The following DCC variants were observed in gnomAD, a reference collection of about 807,000 sequenced individuals.
DCC encodes the protein netrin receptor DCC.
In DCC, 58 loss-of-function variants were observed where a neutral mutation model predicts 172.5. The observed-to-expected ratio is 0.34, with a 90% CI of 0.27 to 0.42. DCC has a LOEUF of 0.42. Among genes scored for constraint, DCC ranks in the 10% least tolerant of loss-of-function variants. DCC has a pLI of 1.00. For synonymous variants in DCC, 709 were observed against 644.5 expected (o/e 1.10, Z -1.52); for missense variants, 1,740 against 1,791.0 (o/e 0.97, Z 0.51).
At chr18:52,805,993 A>G (rs892320413) in intron 2 of DCC, among the ~76,000 whole-genome samples, 6 of 152,252 alleles carry the variant, frequency 3.9e-5, no homozygotes, top group African/African-American at 1.2e-4. Flanking sequence ...TGAAGATATT[A>G]CCATGCTTGA....
chr18:52,970,225 ATAAT>A (rs2041008358), intron 5 of DCC, among the ~76,000 whole-genome samples: 1 of 152,228 alleles, frequency 6.6e-6, no homozygotes, highest in Non-Finnish European at 1.5e-5. Context: ...AATCTTCTGA[ATAAT>A]TAATCACTAT....
intron 27 of DCC, among the ~76,000 whole-genome samples, chr18:53,517,207 C>T (rs1193534078): frequency 6.8e-6 from 1 of 146,032 alleles, no homozygotes; most frequent in Non-Finnish European, 1.5e-5. Context: ...AACAAAAAAC[C>T]AAACACCGCA....
At chr18:52,649,099 C>A (rs889498044) in intron 1 of DCC, among the ~76,000 whole-genome samples, 2 of 152,036 alleles carry the variant, frequency 1.3e-5, no homozygotes, top group African/African-American at 2.4e-5. Flanking sequence ...TATGGCCGGG[C>A]GCGGTGGCTC....
chr18:52,555,007 A>T (rs1411486369), intron 1 of DCC, among the ~76,000 whole-genome samples: 1 of 151,878 alleles, frequency 6.6e-6, no homozygotes, highest in Admixed American at 6.6e-5. Context: ...ACTTCTTTTG[A>T]GTTCAAAAGA....
chr18:52,800,990 G>T (rs1207654862), intron 2 of DCC, among the ~76,000 whole-genome samples: 1 of 152,100 alleles, frequency 6.6e-6, no homozygotes, highest in South Asian at 2.1e-4. Flanking sequence ...CCTTTCTTCA[G>T]GTAGTCTCAT....
chr18:52,461,666 T>C (rs887823698), intron 1 of DCC, among the ~76,000 whole-genome samples: 12 of 152,228 alleles, frequency 7.9e-5, no homozygotes, highest in African/African-American at 2.4e-5. Flanking sequence ...GGGACCACTG[T>C]TGCGTACATT....
At chr18:53,282,969 A>G (rs932756801) in intron 12 of DCC, among the ~76,000 whole-genome samples, 6 of 152,160 alleles carry the variant, frequency 3.9e-5, no homozygotes, top group African/African-American at 1.2e-4. Flanking sequence ...AGGAATATTC[A>G]CTGACTGTAT....
intron 14 of DCC, among the ~76,000 whole-genome samples, chr18:53,327,928 C>T (rs937455372): frequency 6.6e-6 from 1 of 152,090 alleles, no homozygotes; most frequent in Admixed American, 6.6e-5. Flanking sequence ...GACAGATAGG[C>T]TTGGGGAATT....
intron 1 of DCC, among the ~76,000 whole-genome samples, chr18:52,450,193 C>A (rs959549141): frequency 1.3e-5 from 2 of 152,130 alleles, no homozygotes; most frequent in Admixed American, 1.3e-4. Flanking sequence ...ACAGCCACTT[C>A]ATTTCATTAT....
rs564159745 is a variant in DCC, at chr18:52,536,202, G to A, written c.91+195324G>A. Reference sequence around the variant, plus strand: ...AGGAAATGGAACCATGTGGGTATATGTCGGAGCCAGATTGTAAAAGGTCTC... The same window carrying A: ...AGGAAATGGAACCATGTGGGTATATATCGGAGCCAGATTGTAAAAGGTCTC... On this transcript the variant is annotated intron_variant, in intron 1 of 28. Coordinates refer to ENST00000442544, the MANE Select transcript of DCC (RefSeq NM_005215.4). Among the ~76,000 whole-genome samples the A allele has an allele frequency of 6.9e-4, 105 of 152,246 alleles. 3 individuals carry two copies. The South Asian group carries it at 0.021, about 30-fold the overall frequency.
chr18:53,417,767 CT>C (rs1188192289), intron 21 of DCC, among the ~76,000 whole-genome samples: 1 of 151,948 alleles, frequency 6.6e-6, no homozygotes, highest in Admixed American at 6.6e-5. Context: ...CAATAAATGG[CT>C]TTCCACTTCT....
chr18:53,073,700 C>G (rs973747688), intron 7 of DCC, among the ~76,000 whole-genome samples: 2 of 151,832 alleles, frequency 1.3e-5, no homozygotes, highest in African/African-American at 4.8e-5. Context: ...GAAAAGGTTA[C>G]TGATTACAAA....
At chr18:53,480,931 T>A (rs370076425) in intron 25 of DCC, 2 of 152,206 alleles carry the variant, frequency 1.3e-5, no homozygotes, top group Non-Finnish European at 2.9e-5. Flanking sequence ...TCAAGTTGTT[T>A]CATGAGGTTT....
At chr18:53,096,761 G>A (rs2043093479) in intron 7 of DCC, among the ~76,000 whole-genome samples, 1 of 152,008 alleles carries the variant, frequency 6.6e-6, no homozygotes, top group African/African-American at 2.4e-5. Context: ...GAGAGTCTAA[G>A]CAATTGTTTA....
chr18:53,503,970 T>TTGTACTGCGAAA (rs1277450871), intron 27 of DCC, among the ~76,000 whole-genome samples: 1 of 152,234 alleles, frequency 6.6e-6, no homozygotes, highest in Admixed American at 6.5e-5. Flanking sequence ...ACTCACTTCA[T>TTGTACTGCGAAA]TGTACTGCGA....
intron 1 of DCC, among the ~76,000 whole-genome samples, chr18:52,655,828 T>C (rs1007795582): frequency 2.0e-5 from 3 of 151,846 alleles, no homozygotes; most frequent in Non-Finnish European, 4.4e-5. Flanking sequence ...GAGGTTACCA[T>C]AATGTGCTTT....
chr18:52,860,845 G>C (rs916933362), intron 2 of DCC, among the ~76,000 whole-genome samples: 3 of 151,860 alleles, frequency 2.0e-5, no homozygotes, highest in Non-Finnish European at 2.9e-5. Context: ...TAAAAATACA[G>C]AAAGTGAGCC....
chr18:52,476,467 T>C (rs1248022689), intron 1 of DCC, among the ~76,000 whole-genome samples: 1 of 152,254 alleles, frequency 6.6e-6, no homozygotes, highest in Non-Finnish European at 1.5e-5. Context: ...GCGCAGATTA[T>C]GGCAAGCTTT....
At chr18:52,590,021 T>G (rs1333846704) in intron 1 of DCC, among the ~76,000 whole-genome samples, 1 of 152,212 alleles carries the variant, frequency 6.6e-6, no homozygotes, top group Non-Finnish European at 1.5e-5. Flanking sequence ...AGATATACTT[T>G]CCATAATAAA....
Sources: gnomAD v4.1 joint callset for allele counts (sites outside exome capture counted in the v4.1 genomes callset) on GRCh38, gnomAD v4.1.1 for gene constraint, MANE v1.5 for transcripts, NCBI Gene and HGNC (gene_info 2026-07-23, HGNC 2026-07-21) for gene names.